The following DAAM1 variants were observed in gnomAD, a reference collection of about 807,000 sequenced individuals.
DAAM1 encodes the protein disheveled-associated activator of morphogenesis 1.
Under a neutral mutation model 130.0 loss-of-function variants are expected in DAAM1, and 52 were observed. That is an observed-to-expected ratio of 0.40 (90% confidence interval 0.32 to 0.50). DAAM1 has a LOEUF of 0.50. Among genes scored for constraint, DAAM1 ranks in the 20% least tolerant of loss-of-function variants. The pLI, the probability that DAAM1 is intolerant of heterozygous loss-of-function variation, is 0.61. For synonymous variants in DAAM1, 452 were observed against 444.5 expected (o/e 1.02, Z -0.21); for missense variants, 1,134 against 1,303.8 (o/e 0.87, Z 2.01).
At chr14:59,231,886 G>T (rs1190438072) in intron 1 of DAAM1, among the ~76,000 whole-genome samples, 3 of 152,158 alleles carry the variant, frequency 2.0e-5, no homozygotes, top group Non-Finnish European at 4.4e-5. Flanking sequence ...CCTAATCCCA[G>T]TGTGATGGTA....
intron 8 of DAAM1, 56 bp downstream of exon 8, chr14:59,324,510 C>CAAT (rs1324441961): frequency 1.7e-6 from 2 of 1,163,068 alleles, no homozygotes; most frequent in Non-Finnish European, 2.4e-6. Flanking sequence ...CTGTGTAATG[C>CAAT]AATACCTCAT....
At chr14:59,198,016 G>C (rs572186649) in intron 1 of DAAM1, among the ~76,000 whole-genome samples, 1 of 152,214 alleles carries the variant, frequency 6.6e-6, no homozygotes, top group African/African-American at 2.4e-5. Context: ...GTAGAGGGGA[G>C]GACAGAGAGA....
chr14:59,332,961 A>G (rs1161856760), intron 15 of DAAM1, among the ~76,000 whole-genome samples: 4 of 152,234 alleles, frequency 2.6e-5, no homozygotes, highest in East Asian at 3.9e-4. Flanking sequence ...AACAAGCAGC[A>G]GACTTCCTAG....
At chr14:59,286,791 A>G (rs1281399050) in intron 2 of DAAM1, among the ~76,000 whole-genome samples, 1 of 152,110 alleles carries the variant, frequency 6.6e-6, no homozygotes, top group African/African-American at 2.4e-5. Context: ...AGTAATACAA[A>G]AAAATACCTA....
At chr14:59,266,688 G>A (rs1380416888) in intron 2 of DAAM1, among the ~76,000 whole-genome samples, 1 of 152,232 alleles carries the variant, frequency 6.6e-6, no homozygotes, top group African/African-American at 2.4e-5. Context: ...ATTGTAAGGG[G>A]TGGCCTGGCC....
intron 2 of DAAM1, among the ~76,000 whole-genome samples, chr14:59,272,780 A>G (rs1005373636): frequency 6.6e-6 from 1 of 152,160 alleles, no homozygotes; most frequent in African/African-American, 2.4e-5. Flanking sequence ...AATATATCAC[A>G]AAGAATAGTT....
chr14:59,236,011 T>TA (rs1049350102), intron 1 of DAAM1, among the ~76,000 whole-genome samples: 8 of 152,030 alleles, frequency 5.3e-5, no homozygotes, highest in Non-Finnish European at 1.0e-4. Context: ...TTCCCTTTCT[T>TA]AAAAAAAATC....
intron 1 of DAAM1, among the ~76,000 whole-genome samples, chr14:59,228,887 A>C (rs1019003002): frequency 6.6e-6 from 1 of 152,222 alleles, no homozygotes; most frequent in East Asian, 1.9e-4. Context: ...GTGGCAGTCC[A>C]TTGGTAGAAT....
At chr14:59,297,136 C>T (rs925397262) in intron 3 of DAAM1, among the ~76,000 whole-genome samples, 1 of 152,180 alleles carries the variant, frequency 6.6e-6, no homozygotes, top group African/African-American at 2.4e-5. Flanking sequence ...TCCCAAGGGC[C>T]CACCATTCTT....
chr14:59,231,162 A>G (rs1442404261), intron 1 of DAAM1, among the ~76,000 whole-genome samples: 4 of 152,194 alleles, frequency 2.6e-5, no homozygotes, highest in Admixed American at 1.3e-4. Context: ...ATGGCACAGC[A>G]TATTATTTTC....
At chr14:59,190,447 G>C (rs919602160) in intron 1 of DAAM1, among the ~76,000 whole-genome samples, 28 of 152,198 alleles carry the variant, frequency 1.8e-4, no homozygotes, top group African/African-American at 6.5e-4. Flanking sequence ...TGCATAAAGA[G>C]AGCTCTCTGG....
At chr14:59,277,253 A>G (rs1883010394) in intron 2 of DAAM1, among the ~76,000 whole-genome samples, 1 of 152,134 alleles carries the variant, frequency 6.6e-6, no homozygotes, top group African/African-American at 2.4e-5. Context: ...TATCTAGCAA[A>G]TGAATCCATT....
intron 3 of DAAM1, among the ~76,000 whole-genome samples, chr14:59,311,822 A>C (rs1396710255): frequency 6.6e-6 from 1 of 152,162 alleles, no homozygotes; most frequent in East Asian, 1.9e-4. Context: ...CTGAGTAGCT[A>C]GGGCTACAGG....
intron 1 of DAAM1, among the ~76,000 whole-genome samples, chr14:59,241,226 A>G (rs974832350): frequency 6.6e-6 from 1 of 152,246 alleles, no homozygotes; most frequent in Non-Finnish European, 1.5e-5. Flanking sequence ...GTTCTCTCCA[A>G]TAAAATTACT....
intron 5 of DAAM1, 69 bp from the exon 6 acceptor site, chr14:59,322,823 G>A: frequency 7.7e-7 from 1 of 1,297,538 alleles, no homozygotes; most frequent in Non-Finnish European, 1.1e-6. Context: ...CTGCCCTCTA[G>A]ACTTTTCTGT....
chr14:59,211,006 C>G (rs937431862), intron 1 of DAAM1, among the ~76,000 whole-genome samples: 3 of 152,092 alleles, frequency 2.0e-5, no homozygotes, highest in African/African-American at 4.8e-5. Flanking sequence ...TGTACAGCAC[C>G]TAAATTTTAC....
rs537735998 is a variant in DAAM1 at position 59,200,945 on chromosome 14, A to T, written c.-38+12177A>T. Among the ~76,000 whole-genome samples the T allele has an allele frequency of 8.1e-4, 123 of 152,114 alleles. 1 individual carries two copies. Among genetic ancestry groups the T allele is most frequent in the Non-Finnish European group, 7.2e-4 (49 of 67,992 alleles). ...GGGAGGCCAAGGCGGGCGGATCACG[A>T]GGTCAGGAGATCGAGACCATCCTGG... On this transcript the variant is annotated intron_variant, in intron 1 of 24. Coordinates refer to ENST00000360909, the MANE Select transcript of DAAM1 (RefSeq NM_001270520.2).
chr14:59,250,205 A>G (rs1226107532), intron 1 of DAAM1, among the ~76,000 whole-genome samples: 2 of 152,224 alleles, frequency 1.3e-5, no homozygotes, highest in Non-Finnish European at 1.5e-5. Flanking sequence ...TTAAAATTAC[A>G]TCTGGGAACA....
chr14:59,225,461 G>A (rs1888912495), intron 1 of DAAM1, among the ~76,000 whole-genome samples: 2 of 152,194 alleles, frequency 1.3e-5, no homozygotes, highest in South Asian at 2.1e-4. Flanking sequence ...GATTAGTGAG[G>A]CAACACTGAA....
Sources: allele counts gnomAD v4.1 joint callset (sites outside exome capture counted in the v4.1 genomes callset), GRCh38; gene constraint gnomAD v4.1.1; transcripts MANE v1.5; gene names NCBI Gene and HGNC (gene_info 2026-07-23, HGNC 2026-07-21).